NRXN3: variants seen among roughly 807,000 people sequenced by gnomAD.
NRXN3 encodes neurexin III.
A neutral mutation model predicts 137.6 loss-of-function variants in NRXN3; 32 were observed. The observed-to-expected ratio is 0.23, with a 90% CI of 0.18 to 0.31. The LOEUF is 0.31. Among genes scored for constraint, NRXN3 ranks in the 10% least tolerant of loss-of-function variants. The pLI is 1.00. For synonymous variants in NRXN3, 798 were observed against 784.5 expected (o/e 1.02, Z -0.29); for missense variants, 1,574 against 2,062.5 (o/e 0.76, Z 4.59).
Position 78,242,895 on chromosome 14 carries a change from G to C in NRXN3, c.-199G>C, listed in dbSNP as rs961072421. ...CCTCTTTATTCAATTTCTTGCTTGT[G>C]TGCCCCTCTGGGACTCTCTTGTACA... On this transcript the variant is annotated 5_prime_UTR_variant, in exon 2 of 21. Transcript: ENST00000335750. 1 of 480,890 alleles carries C rather than the reference G, an allele frequency of 2.1e-6. No homozygotes were observed. Among genetic ancestry groups the C allele is most frequent in the Non-Finnish European group, 3.6e-6 (1 of 275,684 alleles). 29.8% of individuals were successfully genotyped at this position (480,890 alleles called of 1,614,324 possible).
At chr14:79,508,159 G>A (rs1485970242) in intron 16 of NRXN3, among the ~76,000 whole-genome samples, 2 of 151,974 alleles carry the variant, frequency 1.3e-5, no homozygotes, top group Non-Finnish European at 2.9e-5. Context: ...ATTAAATGGG[G>A]CTAATAATAC....
At chr14:78,262,040 A>T (rs2070821036) in intron 2 of NRXN3, among the ~76,000 whole-genome samples, 1 of 152,198 alleles carries the variant, frequency 6.6e-6, no homozygotes, top group South Asian at 2.1e-4. Flanking sequence ...GTGAGGGGAA[A>T]TCTAATGAAA....
chr14:79,697,168 T>C (rs1216791973), intron 18 of NRXN3, among the ~76,000 whole-genome samples: 1 of 152,012 alleles, frequency 6.6e-6, no homozygotes, highest in East Asian at 1.9e-4. Flanking sequence ...AGACCTGGTT[T>C]TTAAATTTAG....
intron 16 of NRXN3, among the ~76,000 whole-genome samples, chr14:79,526,887 G>A (rs888681445): frequency 2.0e-5 from 3 of 152,150 alleles, no homozygotes; most frequent in African/African-American, 4.8e-5. Flanking sequence ...AGGGTAGCAG[G>A]AGTTAAATTA....
chr14:78,330,089 G>A (rs964160448), intron 4 of NRXN3, among the ~76,000 whole-genome samples: 1 of 152,134 alleles, frequency 6.6e-6, no homozygotes, highest in Non-Finnish European at 1.5e-5. Context: ...TTATACGGTA[G>A]GGTGGTTTCT....
chr14:79,757,657 G>A lies in NRXN3; in HGVS notation c.4015-47455G>A, dbSNP rs562424439. On this transcript the variant is annotated intron_variant, in intron 19 of 20. Transcript: ENST00000335750. ...TACAGCATGATGCAGTGGGAAGAAT[G>A]CTAGCCTAGAAGTTAGGACTCCTGA... Among the ~76,000 whole-genome samples, 3 of 152,260 alleles carry A rather than the reference G, an allele frequency of 2.0e-5. No individual in the cohort carries two copies. In the South Asian group the frequency reaches 6.2e-4, roughly 32 times the overall value.
rs528039054 is a variant in NRXN3, at chr14:78,831,714, G to A, written c.2275+21370G>A. Reference sequence around the variant, plus strand: ...CACTTTGTCTTTTGCTTTAGTAATAGCAAAAATCAATGTAATTACCATCAC... The same window carrying A: ...CACTTTGTCTTTTGCTTTAGTAATAACAAAAATCAATGTAATTACCATCAC... On this transcript the variant is annotated intron_variant, in intron 10 of 20. Coordinates refer to ENST00000335750, the MANE Select transcript of NRXN3 (RefSeq NM_001330195.2). 2.6e-4 allele frequency among the ~76,000 whole-genome samples: 40 copies of A among 151,952 alleles called. No individual in the cohort carries two copies. In the South Asian group the frequency reaches 8.3e-3, roughly 32 times the overall value.
chr14:78,397,671 T>A (rs951929897), intron 4 of NRXN3, among the ~76,000 whole-genome samples: 13 of 151,850 alleles, frequency 8.6e-5, no homozygotes, highest in African/African-American at 3.1e-4. Context: ...TGGTGCGATT[T>A]TGGCTCACTG....
At chr14:79,455,978 T>C (rs1369269986) in intron 15 of NRXN3, among the ~76,000 whole-genome samples, 2 of 152,146 alleles carry the variant, frequency 1.3e-5, no homozygotes, top group African/African-American at 4.8e-5. Flanking sequence ...TGAGACATTT[T>C]CTTCTGAGTT....
At chr14:79,126,852 T>G (rs998869245) in intron 15 of NRXN3, among the ~76,000 whole-genome samples, 1 of 152,206 alleles carries the variant, frequency 6.6e-6, no homozygotes, top group Non-Finnish European at 1.5e-5. Context: ...TCCTGACTTT[T>G]TAATGATTGC....
At chr14:78,856,925 G>T (rs1180948070) in intron 10 of NRXN3, among the ~76,000 whole-genome samples, 1 of 152,102 alleles carries the variant, frequency 6.6e-6, no homozygotes, top group Non-Finnish European at 1.5e-5. Flanking sequence ...TAGAAACATG[G>T]TTTCACCATG....
At chr14:79,274,791 A>T (rs895492351) in intron 15 of NRXN3, among the ~76,000 whole-genome samples, 1 of 152,214 alleles carries the variant, frequency 6.6e-6, no homozygotes, top group Non-Finnish European at 1.5e-5. Flanking sequence ...GAGATTAAAA[A>T]TATTTTTTTT....
At chr14:79,280,354 C>G in intron 15 of NRXN3, 1 of 1,614,168 alleles carries the variant, frequency 6.2e-7, no homozygotes, top group Non-Finnish European at 8.5e-7. Flanking sequence ...CGCTTGGGAT[C>G]TGGTTCCTGT....
chr14:79,818,441 T>C (rs1307277774), intron 20 of NRXN3, among the ~76,000 whole-genome samples: 1 of 152,216 alleles, frequency 6.6e-6, no homozygotes, highest in Non-Finnish European at 1.5e-5. Flanking sequence ...ATGTTAGGAA[T>C]CTAAGGATAG....
chr14:79,392,602 A>T (rs1398990776), intron 15 of NRXN3, among the ~76,000 whole-genome samples: 1 of 152,158 alleles, frequency 6.6e-6, no homozygotes, highest in African/African-American at 2.4e-5. Flanking sequence ...GCTCATCATC[A>T]TTGGTCGTTA....
chr14:79,472,176 T>G (rs2096518451), intron 16 of NRXN3, among the ~76,000 whole-genome samples: 1 of 152,240 alleles, frequency 6.6e-6, no homozygotes, highest in Non-Finnish European at 1.5e-5. Context: ...ATGATTTCAT[T>G]CTTTTTTATG....
At chr14:78,540,271 C>T (rs1600156378) in intron 4 of NRXN3, among the ~76,000 whole-genome samples, 1 of 152,004 alleles carries the variant, frequency 6.6e-6, no homozygotes, top group East Asian at 1.9e-4. Flanking sequence ...GAAGGACTTG[C>T]CTTATGAATC....
intron 4 of NRXN3, among the ~76,000 whole-genome samples, chr14:78,309,745 G>A (rs555715260): frequency 1.3e-5 from 2 of 152,212 alleles, no homozygotes; most frequent in South Asian, 2.1e-4. Context: ...GATGAAAATA[G>A]CTAGAATTAG....
chr14:79,389,926 T>G (rs1283615144), intron 15 of NRXN3, among the ~76,000 whole-genome samples: 1 of 152,170 alleles, frequency 6.6e-6, no homozygotes, highest in East Asian at 1.9e-4. Flanking sequence ...TGAATTTGAT[T>G]TACATTTGCT....
Sources: gnomAD v4.1 joint callset for allele counts (sites outside exome capture counted in the v4.1 genomes callset) on GRCh38, gnomAD v4.1.1 for gene constraint, MANE v1.5 for transcripts, NCBI Gene and HGNC (gene_info 2026-07-23, HGNC 2026-07-21) for gene names.